The following AFF3 variants were observed in gnomAD, a reference collection of about 807,000 sequenced individuals.
AFF3 encodes the protein ALF transcription elongation factor 3, also known as AF4/FMR2 family member 3.
AFF3 carries 32 observed loss-of-function variants against 129.7 expected under a neutral mutation model. That is an observed-to-expected ratio of 0.25 (90% CI 0.19 to 0.33). The LOEUF is 0.33. Among genes scored for constraint, AFF3 ranks in the 10% least tolerant of loss-of-function variants. The pLI, the probability that AFF3 is intolerant of heterozygous loss-of-function variation, is 1.00. For missense variants in AFF3, 1,373 were observed against 1,592.0 expected, an observed-to-expected ratio of 0.86 and a Z score of 2.34; for synonymous variants, 644 against 635.4, an observed-to-expected ratio of 1.01 and a Z score of -0.20.
At chr2:99,630,780 C>A in intron 13 of AFF3, 1 of 200,096 alleles carries the variant, frequency 5.0e-6, no homozygotes, top group Non-Finnish European at 1.2e-5. Context: ...ACAAGAACAG[C>A]ATGGGGGAAA....
intron 24 of AFF3, among the ~76,000 whole-genome samples, chr2:99,552,714 AG>A (rs921989583): frequency 3.9e-5 from 6 of 152,124 alleles, no homozygotes; most frequent in African/African-American, 1.4e-4. Flanking sequence ...AGGAGCAGGT[AG>A]GGGTAGGGGA....
intron 8 of AFF3, among the ~76,000 whole-genome samples, chr2:99,814,188 C>T (rs1291068318): frequency 6.6e-6 from 1 of 152,120 alleles, no homozygotes. Context: ...ACAGATATTT[C>T]TTTCTCACCT....
intron 8 of AFF3, among the ~76,000 whole-genome samples, chr2:99,811,112 G>A (rs1686751990): frequency 1.3e-5 from 2 of 152,196 alleles, no homozygotes; most frequent in South Asian, 4.1e-4. Flanking sequence ...GGAGGGACGT[G>A]CTTTTCTGCC....
intron 2 of AFF3, among the ~76,000 whole-genome samples, chr2:100,118,223 A>G (rs1220774383): frequency 6.6e-6 from 1 of 152,204 alleles, no homozygotes; most frequent in African/African-American, 2.4e-5. Flanking sequence ...TTGCATTTAT[A>G]TGCACATTTA....
At chr2:99,970,961 C>G (rs561723021) in intron 7 of AFF3, among the ~76,000 whole-genome samples, 1 of 152,322 alleles carries the variant, frequency 6.6e-6, no homozygotes, top group South Asian at 2.1e-4. Flanking sequence ...GTCTATAATA[C>G]GAGCATTGAA....
At chr2:99,735,045 C>T (rs866393466) in intron 10 of AFF3, among the ~76,000 whole-genome samples, 20 of 152,140 alleles carry the variant, frequency 1.3e-4, no homozygotes, top group African/African-American at 3.1e-4. Context: ...ATTGTTAAAA[C>T]GGCTATAGGA....
intron 8 of AFF3, among the ~76,000 whole-genome samples, chr2:99,783,878 G>A (rs1184936082): frequency 6.6e-6 from 1 of 152,246 alleles, no homozygotes; most frequent in Non-Finnish European, 1.5e-5. Flanking sequence ...GACTTGAGCG[G>A]TAAATCAACA....
At chr2:99,582,003 T>C (rs1470275679) in intron 17 of AFF3, among the ~76,000 whole-genome samples, 1 of 151,878 alleles carries the variant, frequency 6.6e-6, no homozygotes, top group African/African-American at 2.4e-5. Flanking sequence ...TACAGGCGCC[T>C]GCCACCACGC....
intron 7 of AFF3, among the ~76,000 whole-genome samples, chr2:99,917,294 C>G (rs2106228290): frequency 6.6e-6 from 1 of 152,272 alleles, no homozygotes; most frequent in Non-Finnish European, 1.5e-5. Flanking sequence ...CCTCTGGTCT[C>G]TTGATACTCC....
At chr2:99,617,048 T>G (rs1198220888) in intron 13 of AFF3, among the ~76,000 whole-genome samples, 2 of 152,252 alleles carry the variant, frequency 1.3e-5, no homozygotes, top group African/African-American at 4.8e-5. Context: ...ATTTTGCTTA[T>G]CCTTTCATTA....
chr2:99,668,665 C>T lies in AFF3; in HGVS notation c.1143+3873G>A, dbSNP rs570473748. The stretch of plus-strand genomic sequence containing the variant: ...GCAACCTCCGCCTCCCAGGTTCAAG[C>T]GATTCTCCTGCCTCAGCATCCTAAG... On this transcript the variant is annotated intron_variant, in intron 12 of 24. Transcript: ENST00000672756. Among the ~76,000 whole-genome samples, 8 of 152,000 alleles carry T rather than the reference C, an allele frequency of 5.3e-5. No homozygotes were observed. In the East Asian group the frequency reaches 5.8e-4, roughly 11 times the overall value.
chr2:99,793,251 C>G (rs1386580624), intron 8 of AFF3, among the ~76,000 whole-genome samples: 1 of 152,204 alleles, frequency 6.6e-6, no homozygotes, highest in Non-Finnish European at 1.5e-5. Context: ...CGCCTGCTCC[C>G]CTTTCGCCTT....
At chr2:99,671,907 G>A (rs980213723) in intron 12 of AFF3, among the ~76,000 whole-genome samples, 1 of 152,166 alleles carries the variant, frequency 6.6e-6, no homozygotes, top group Non-Finnish European at 1.5e-5. Flanking sequence ...TGACTGATCA[G>A]AAGAGTATTT....
chr2:99,586,497 T>C (rs1158307964), intron 16 of AFF3, among the ~76,000 whole-genome samples: 1 of 152,016 alleles, frequency 6.6e-6, no homozygotes, highest in Non-Finnish European at 1.5e-5. Flanking sequence ...GGGTGAGGAG[T>C]GTCTTAGAGA....
intron 12 of AFF3, 75 bp from the exon 13 acceptor site, chr2:99,649,741 A>G: frequency 1.9e-6 from 3 of 1,545,344 alleles, no homozygotes; most frequent in Non-Finnish European, 1.8e-6. Flanking sequence ...AACACTTAAA[A>G]AAAAGACCCC....
chr2:99,848,681 A>G (rs1373085678), intron 7 of AFF3, among the ~76,000 whole-genome samples: 2 of 152,240 alleles, frequency 1.3e-5, no homozygotes, highest in African/African-American at 4.8e-5. Flanking sequence ...CACCCATAAG[A>G]GCAGTCAAAT....
chr2:99,576,325 C>G (rs1676986925), intron 18 of AFF3, among the ~76,000 whole-genome samples: 1 of 150,428 alleles, frequency 6.6e-6, no homozygotes, highest in East Asian at 1.9e-4. Flanking sequence ...GCCACTGCGC[C>G]CAGCCGTGAG....
At chr2:100,123,579 C>T (rs1318021465) in intron 2 of AFF3, among the ~76,000 whole-genome samples, 2 of 152,130 alleles carry the variant, frequency 1.3e-5, no homozygotes, top group African/African-American at 2.4e-5. Context: ...TCTGTGCTTC[C>T]GTTTTGTATT....
chr2:100,078,673 C>T (rs141877486), intron 4 of AFF3, among the ~76,000 whole-genome samples: 101 of 152,166 alleles, frequency 6.6e-4, no homozygotes, highest in Admixed American at 4.6e-4. Context: ...ATTAAAAAGT[C>T]AAATGAGGAA....
Sources: allele counts gnomAD v4.1 joint callset (sites outside exome capture counted in the v4.1 genomes callset), GRCh38; gene constraint gnomAD v4.1.1; transcripts MANE v1.5; gene names NCBI Gene and HGNC (gene_info 2026-07-23, HGNC 2026-07-21).